BBX: variants seen among roughly 807,000 people sequenced by gnomAD.
The protein encoded by BBX is BBX high mobility group box domain containing.
A neutral mutation model predicts 100.2 loss-of-function variants in BBX; 30 were observed. That is an observed-to-expected ratio of 0.30 (90% CI 0.22 to 0.41). BBX has a LOEUF of 0.41. Ranked by LOEUF, BBX falls within the 10% of genes least tolerant of loss-of-function variation. BBX has a pLI of 1.00. For synonymous variants in BBX, 376 were observed against 388.1 expected, an observed-to-expected ratio of 0.97 and a Z score of 0.37; for missense variants, 1,023 against 1,129.8, an observed-to-expected ratio of 0.91 and a Z score of 1.35.
intron 3 of BBX, among the ~76,000 whole-genome samples, chr3:107,689,720 A>G (rs544101299): frequency 5.7e-4 from 87 of 152,320 alleles, no homozygotes; most frequent in African/African-American, 2.0e-3. Flanking sequence ...CCTCTAAAGT[A>G]ATTACTGAGA....
At chr3:107,790,761 G>GC in intron 14 of BBX, among the ~76,000 whole-genome samples, 1 of 152,196 alleles carries the variant, frequency 6.6e-6, no homozygotes, top group Admixed American at 6.5e-5. Flanking sequence ...TTTCTTGAAT[G>GC]AGGCTTTAAA....
At chr3:107,708,747 T>C (rs1169401398) in intron 3 of BBX, among the ~76,000 whole-genome samples, 1 of 152,052 alleles carries the variant, frequency 6.6e-6, no homozygotes, top group Non-Finnish European at 1.5e-5. Flanking sequence ...TTTATTAAAA[T>C]GAGTTATTGT....
intron 9 of BBX, among the ~76,000 whole-genome samples, chr3:107,749,724 C>T (rs573030128): frequency 1.3e-5 from 2 of 151,900 alleles, no homozygotes; most frequent in East Asian, 3.9e-4. Context: ...ACCTCCACCT[C>T]CCAGGTTCAA....
At chr3:107,712,377 G>C (rs2061780401) in intron 4 of BBX, among the ~76,000 whole-genome samples, 1 of 152,142 alleles carries the variant, frequency 6.6e-6, no homozygotes, top group Non-Finnish European at 1.5e-5. Context: ...AGAAATCTCA[G>C]TTTGAATGAA....
chr3:107,618,893 T>C (rs1366623660), intron 2 of BBX, among the ~76,000 whole-genome samples: 2 of 152,090 alleles, frequency 1.3e-5, no homozygotes, highest in Non-Finnish European at 2.9e-5. Flanking sequence ...AGATGTTGTG[T>C]AAATGTTAAT....
At chr3:107,720,378 G>A (rs1472440966) in intron 5 of BBX, among the ~76,000 whole-genome samples, 2 of 151,950 alleles carry the variant, frequency 1.3e-5, no homozygotes, top group Non-Finnish European at 2.9e-5. Context: ...GAGGGAAGTG[G>A]GTGGAAGTGG....
chr3:107,550,478 A>G (rs1166826986), intron 2 of BBX, among the ~76,000 whole-genome samples: 22 of 152,170 alleles, frequency 1.4e-4, no homozygotes, highest in Non-Finnish European at 1.9e-4. Context: ...AGCAGGTGGT[A>G]CAGCATAGGT....
intron 2 of BBX, among the ~76,000 whole-genome samples, chr3:107,595,706 A>G (rs2053628259): frequency 6.6e-6 from 1 of 152,186 alleles, no homozygotes; most frequent in African/African-American, 2.4e-5. Flanking sequence ...AAATTGTTCT[A>G]TACCTTACTC....
intron 2 of BBX, among the ~76,000 whole-genome samples, chr3:107,621,700 G>T (rs2055781587): frequency 6.6e-6 from 1 of 152,114 alleles, no homozygotes; most frequent in Non-Finnish European, 1.5e-5. Flanking sequence ...TGCTATTTTG[G>T]TCTTGGTTTT....
At chr3:107,677,969 G>T (rs896764688) in intron 3 of BBX, among the ~76,000 whole-genome samples, 1 of 152,016 alleles carries the variant, frequency 6.6e-6, no homozygotes, top group Non-Finnish European at 1.5e-5. Context: ...CCAAAAAGAA[G>T]AAAACCTCAT....
chr3:107,717,002 G>C (rs745849489), intron 5 of BBX, among the ~76,000 whole-genome samples, 153 bp downstream of exon 5: 22 of 152,252 alleles, frequency 1.4e-4, no homozygotes, highest in Non-Finnish European at 2.1e-4. Context: ...TTCTTTGTAT[G>C]ACTTGTTCCT....
At chr3:107,725,331 A>C (rs2062841367) in intron 5 of BBX, among the ~76,000 whole-genome samples, 1 of 152,272 alleles carries the variant, frequency 6.6e-6, no homozygotes, top group Middle Eastern at 3.4e-3. Context: ...GGTTTTCTAG[A>C]TATACAATCA....
intron 3 of BBX, among the ~76,000 whole-genome samples, chr3:107,656,410 T>C (rs2058146761): frequency 6.6e-6 from 1 of 152,198 alleles, no homozygotes; most frequent in Non-Finnish European, 1.5e-5. Flanking sequence ...TGCTTCTTAT[T>C]TAGTGTGTAT....
chr3:107,605,804 A>G (rs1576469783), intron 2 of BBX, among the ~76,000 whole-genome samples: 1 of 152,344 alleles, frequency 6.6e-6, no homozygotes, highest in East Asian at 1.9e-4. Flanking sequence ...TACTTAGTAC[A>G]TAAGACATAC....
At chr3:107,717,160 G>T (rs2062166485) in intron 5 of BBX, among the ~76,000 whole-genome samples, 1 of 152,154 alleles carries the variant, frequency 6.6e-6, no homozygotes, top group South Asian at 2.1e-4. Flanking sequence ...GGTTTACAGT[G>T]AATGGTGATT....
intron 13 of BBX, among the ~76,000 whole-genome samples, chr3:107,779,409 A>G (rs545829922): frequency 3.9e-5 from 6 of 152,206 alleles, no homozygotes; most frequent in Admixed American, 3.3e-4. Flanking sequence ...ATGTACCTCT[A>G]GTTTTCCATA....
intron 2 of BBX, among the ~76,000 whole-genome samples, chr3:107,591,622 G>T (rs1246487554): frequency 6.6e-6 from 1 of 152,100 alleles, no homozygotes; most frequent in African/African-American, 2.4e-5. Context: ...CGAGTAGCTG[G>T]GACCACAGGC....
At chr3:107,585,381 G>T (rs1213780406) in intron 2 of BBX, among the ~76,000 whole-genome samples, 1 of 152,090 alleles carries the variant, frequency 6.6e-6, no homozygotes, top group African/African-American at 2.4e-5. Context: ...ACAGTAGTCT[G>T]GTTATTTATG....
chr3:107,629,444 C>A (rs769407700), intron 2 of BBX, among the ~76,000 whole-genome samples: 1 of 152,132 alleles, frequency 6.6e-6, no homozygotes, highest in Non-Finnish European at 1.5e-5. Context: ...TGATGTTGAG[C>A]ACCATTGTGG....
Sources: gnomAD v4.1 joint callset for allele counts (sites outside exome capture counted in the v4.1 genomes callset) on GRCh38, gnomAD v4.1.1 for gene constraint, MANE v1.5 for transcripts, NCBI Gene and HGNC (gene_info 2026-07-23, HGNC 2026-07-21) for gene names.